Variants in EDRF1 observed in about 807,000 individuals in gnomAD.
The protein encoded by EDRF1 is erythroid differentiation-related factor 1.
Under a neutral mutation model 148.7 loss-of-function variants are expected in EDRF1, and 69 were observed. That is an observed-to-expected ratio of 0.46 (90% CI 0.38 to 0.57). The LOEUF (loss-of-function observed/expected upper bound fraction) is 0.57, where lower values mean the gene tolerates loss of function less well. EDRF1 is among the 20% of genes least tolerant of loss of function. The pLI is 0.00. For missense variants in EDRF1, 1,118 were observed against 1,478.7 expected, an observed-to-expected ratio of 0.76 and a Z score of 4.00; for synonymous variants, 515 against 532.8, an observed-to-expected ratio of 0.97 and a Z score of 0.46.
intron 11 of EDRF1, among the ~76,000 whole-genome samples, 159 bp downstream of exon 11, chr10:125,733,902 C>T (rs1230548405): frequency 6.6e-6 from 1 of 152,112 alleles, no homozygotes; most frequent in East Asian, 1.9e-4. Context: ...ACTCAGCTTT[C>T]TTATGCCACC....
chr10:125,725,546 C>G, intron 5 of EDRF1, 104 bp downstream of exon 5: 6 of 1,568,190 alleles, frequency 3.8e-6, no homozygotes, highest in Non-Finnish European at 4.4e-6. Context: ...CCCTGTGATA[C>G]TGTTAACATT....
At position 125,763,725 on chromosome 10, in the gene EDRF1, G is replaced by A. The variant is rs115614060; in HGVS notation, c.*253G>A. The A allele has an allele frequency of 2.5e-3, 1,338 of 529,348 alleles. 15 individuals are homozygous for A. Among genetic ancestry groups the A allele is most frequent in the African/African-American group, 0.022 (1,160 of 52,476 alleles). The allele number at this position is 529,348 out of a possible 1,614,324, so 32.8% of individuals were successfully genotyped here. A position where few individuals can be genotyped will look rare whatever the true frequency, so the allele number is the denominator to read the frequency against. ...GTCTTTGAGAAGTATGTAGTACCTC[G>A]GTATTAACAGACCTGCTGTGATGCA... On this transcript the variant is annotated 3_prime_UTR_variant, in exon 25 of 25. Transcript: ENST00000356792. This position sits in a 1 kb window ranked among gnomAD's most constrained non-coding sequence, Gnocchi z 4.3.
intron 7 of EDRF1, 29 bp downstream of exon 7, chr10:125,729,133 A>G: frequency 6.5e-7 from 1 of 1,537,158 alleles, no homozygotes; most frequent in Non-Finnish European, 8.7e-7. Flanking sequence ...CCAAGGTGAC[A>G]GCAAATCCCC....
chr10:125,723,698 C>T (rs1848115652), intron 3 of EDRF1, 113 bp from the exon 4 acceptor site: 1 of 1,154,946 alleles, frequency 8.7e-7, no homozygotes, highest in Non-Finnish European at 1.3e-6. Flanking sequence ...ATTTGTATAA[C>T]CTTAAGGAAA....
chr10:125,720,653 A>G (rs1302967247), intron 1 of EDRF1, among the ~76,000 whole-genome samples: 2 of 152,098 alleles, frequency 1.3e-5, no homozygotes, highest in African/African-American at 4.8e-5. Context: ...TCTACTAAAA[A>G]TACAAAAATT....
chr10:125,763,406 C>G lies in EDRF1; in HGVS notation c.3651C>G (p.Asn1217Lys), dbSNP rs752194097. ...NKTATLLERI[N>K]VIVHLLGQLA... ...CCGCGACTCTTCTGGAAAGAATCAA[C>G]GTTATCGTCCACCTGCTGGGCCAGC... Residue 1217 changes from asparagine (N) to lysine (K), a missense_variant, in exon 25 of 25, where the codon AAC becomes AAG. By Grantham distance (94) the Asn-to-Lys change is moderately conservative (BLOSUM62 0). Coordinates refer to ENST00000356792, the MANE Select transcript of EDRF1 (RefSeq NM_001202438.2). This position sits in a 1 kb window ranked among gnomAD's most constrained non-coding sequence, Gnocchi z 4.3. The G allele has an allele frequency of 1.9e-6, 3 of 1,612,282 alleles. No individual in the cohort carries two copies. In the African/African-American group the frequency reaches 4.0e-5, roughly 21 times the overall value.
Position 125,739,270 on chromosome 10 carries a change from T to G in EDRF1, c.1981+825T>G, listed in dbSNP as rs145925854. ...TATTTCCCCAGCATTTATATAGTGC[T>G]GCTGGTATGCCAGGCTTCGGCCTAC... On this transcript the variant is annotated intron_variant, in intron 15 of 24. Coordinates refer to ENST00000356792, the MANE Select transcript of EDRF1 (RefSeq NM_001202438.2). Among the ~76,000 whole-genome samples the G allele has an allele frequency of 7.0e-3, 1,063 of 152,366 alleles. 3 individuals carry two copies. The highest frequency in any genetic ancestry group is 0.012 in the Admixed American group (179 of 15,302).
chr10:125,734,002 C>T (rs1311323174), intron 11 of EDRF1, 70 bp from the exon 12 acceptor site: 2 of 1,220,940 alleles, frequency 1.6e-6, no homozygotes, highest in Non-Finnish European at 2.4e-6. Flanking sequence ...GAAACAAGAG[C>T]ACTCCTAGAC....
chr10:125,762,819 G>A (rs551103320), intron 24 of EDRF1, among the ~76,000 whole-genome samples: 53 of 152,306 alleles, frequency 3.5e-4, no homozygotes, highest in Non-Finnish European at 4.0e-4. Flanking sequence ...ACAGGAAGGC[G>A]CTTAGGCCGA....
chr10:125,757,415 C>T (rs745366769), intron 24 of EDRF1, among the ~76,000 whole-genome samples: 4 of 152,120 alleles, frequency 2.6e-5, no homozygotes, highest in Admixed American at 6.5e-5. Flanking sequence ...TGTTATTATA[C>T]GTTTTACTTG....
intron 18 of EDRF1, among the ~76,000 whole-genome samples, chr10:125,744,116 T>C (rs745715354): frequency 6.6e-6 from 1 of 151,996 alleles, no homozygotes; most frequent in African/African-American, 2.4e-5. Flanking sequence ...GATAAGAATG[T>C]AAAGCCTGGA....
intron 12 of EDRF1, 44 bp downstream of exon 12, chr10:125,734,227 CTAATAGGAGATTGT>C: frequency 7.1e-7 from 1 of 1,412,606 alleles, no homozygotes; most frequent in Non-Finnish European, 1.0e-6. Flanking sequence ...TCCTAGCATT[CTAATAGGAGATTGT>C]TACCTAGACA....
At chr10:125,744,926 A>G (rs1255144162) in intron 18 of EDRF1, 1 of 152,278 alleles carries the variant, frequency 6.6e-6, no homozygotes, top group Non-Finnish European at 1.5e-5. Flanking sequence ...TAGGCACAGT[A>G]AGAGATTAAC....
intron 24 of EDRF1, 140 bp downstream of exon 24, chr10:125,753,985 G>T (rs1205896509): frequency 1.2e-6 from 1 of 867,584 alleles, no homozygotes. Context: ...GGAGGCCAAG[G>T]CAGGCAGATC....
intron 12 of EDRF1, 40 bp downstream of exon 12, chr10:125,734,223 C>A: frequency 7.0e-7 from 1 of 1,438,418 alleles, no homozygotes; most frequent in Non-Finnish European, 9.8e-7. Flanking sequence ...ACAATCCTAG[C>A]ATTCTAATAG....
At chr10:125,736,297 G>A (rs1376100343) in intron 13 of EDRF1, among the ~76,000 whole-genome samples, 2 of 152,082 alleles carry the variant, frequency 1.3e-5, no homozygotes, top group Non-Finnish European at 2.9e-5. Flanking sequence ...AACTGTATAT[G>A]GTGAGCTCTG....
Position 125,735,624 on chromosome 10 carries a change from A to G in EDRF1, c.1498-20A>G. On this transcript the variant is annotated intron_variant, in intron 12 of 24. Coordinates refer to ENST00000356792, the MANE Select transcript of EDRF1 (RefSeq NM_001202438.2). The stretch of plus-strand genomic sequence containing the variant: ...TTTTTGATGACAGTAATTTACACAT[A>G]TTTCTCTCTTTTTCATAAGATTATT... 1 of 1,609,338 alleles carries G rather than the reference A, an allele frequency of 6.2e-7. No individual in the cohort carries two copies. The highest frequency in any genetic ancestry group is 8.5e-7 in the Non-Finnish European group (1 of 1,177,132).
intron 19 of EDRF1, among the ~76,000 whole-genome samples, chr10:125,746,392 C>T (rs973910200): frequency 2.6e-5 from 4 of 152,014 alleles, no homozygotes; most frequent in African/African-American, 4.8e-5. Flanking sequence ...AAATGCTCAA[C>T]AGAAACTGAA....
intron 23 of EDRF1, among the ~76,000 whole-genome samples, chr10:125,753,189 TTGG>T (rs528872471): frequency 4.7e-4 from 71 of 152,376 alleles, no homozygotes; most frequent in Non-Finnish European, 9.1e-4. Context: ...TTTGTTGCTG[TTGG>T]TGGGAATTTG....
Sources: allele counts gnomAD v4.1 joint callset (sites outside exome capture counted in the v4.1 genomes callset), GRCh38; gene constraint gnomAD v4.1.1; non-coding constraint Gnocchi (gnomAD v3.1); transcripts MANE v1.5; gene names NCBI Gene and HGNC (gene_info 2026-07-23, HGNC 2026-07-21).